IPPK: variants seen among roughly 807,000 people sequenced by gnomAD.
The protein encoded by IPPK is IPK1 homolog.
In IPPK, 22 loss-of-function variants were observed where a neutral mutation model predicts 64.6. The observed-to-expected ratio is 0.34, with a 90% CI of 0.24 to 0.49. IPPK has a LOEUF of 0.49. Among genes scored for constraint, IPPK ranks in the 20% least tolerant of loss-of-function variants. The pLI, the probability that IPPK is intolerant of heterozygous loss-of-function variation, is 0.99. For synonymous variants in IPPK, 262 were observed against 247.2 expected, an observed-to-expected ratio of 1.06 and a Z score of -0.56; for missense variants, 532 against 630.7, an observed-to-expected ratio of 0.84 and a Z score of 1.68.
intron 11 of IPPK, among the ~76,000 whole-genome samples, chr9:92,632,960 T>C (rs1017680750): frequency 3.3e-5 from 5 of 151,756 alleles, no homozygotes; most frequent in Non-Finnish European, 5.9e-5. Context: ...CTTATTGTCC[T>C]GTAAAGGCTT....
chr9:92,664,363 C>T (rs1457830974), intron 1 of IPPK, among the ~76,000 whole-genome samples: 5 of 152,252 alleles, frequency 3.3e-5, no homozygotes, highest in African/African-American at 1.2e-4. Context: ...GAGCCCAGTA[C>T]TCTGCAGGCA....
chr9:92,658,773 A>T, intron 1 of IPPK, 92 bp from the exon 2 acceptor site: 5 of 1,139,176 alleles, frequency 4.4e-6, no homozygotes, highest in Non-Finnish European at 5.3e-6. Context: ...TCAGTGGACA[A>T]AGTCCACAGT....
At chr9:92,653,101 C>G (rs931451661) in intron 3 of IPPK, among the ~76,000 whole-genome samples, 36 of 152,248 alleles carry the variant, frequency 2.4e-4, no homozygotes, top group Admixed American at 9.8e-4. Context: ...TGAAGAATCA[C>G]TTGTCTCAGG....
chr9:92,657,454 C>CA (rs1852396313), intron 2 of IPPK, among the ~76,000 whole-genome samples: 1 of 152,180 alleles, frequency 6.6e-6, no homozygotes, highest in Non-Finnish European at 1.5e-5. Context: ...GAAATGTAGC[C>CA]AACTGCTGCC....
At chr9:92,642,503 C>A (rs2131442951) in intron 7 of IPPK, among the ~76,000 whole-genome samples, 1 of 152,352 alleles carries the variant, frequency 6.6e-6, no homozygotes, top group African/African-American at 2.4e-5. Context: ...GAAGACAAAT[C>A]TAGTCACAAT....
chr9:92,642,663 A>T, intron 7 of IPPK, 89 bp downstream of exon 7: 1 of 1,128,946 alleles, frequency 8.9e-7, no homozygotes, highest in Non-Finnish European at 1.3e-6. Flanking sequence ...TTCCTACCTC[A>T]CGAAATACCC....
rs1167100625 is a variant in IPPK, at chr9:92,614,481, T to A, written c.*1351A>T. On this transcript the variant is annotated 3_prime_UTR_variant, in exon 13 of 13. Coordinates refer to ENST00000287996, the MANE Select transcript of IPPK (RefSeq NM_022755.6). ...AAAACAGTAAAAGTGTCCAGTTAGA[T>A]AAGTATCTTTTTGCACCTCTGAGAG... 6.6e-6 allele frequency: 1 copy of A among 152,640 alleles called. No individual in the cohort carries two copies. Among genetic ancestry groups the A allele is most frequent in the Non-Finnish European group, 1.5e-5 (1 of 68,058 alleles). 9.5% of individuals were successfully genotyped at this position (152,640 alleles called of 1,614,324 possible). A position where few individuals can be genotyped will look rare whatever the true frequency, so the allele number is the denominator to read the frequency against.
Position 92,638,287 on chromosome 9 carries a change from A to G in IPPK, c.637-7T>C, listed in dbSNP as rs2131437952. On this transcript the variant is annotated splice_region_variant and splice_polypyrimidine_tract_variant and intron_variant, in intron 8 of 12. Coordinates refer to ENST00000287996, the MANE Select transcript of IPPK (RefSeq NM_022755.6). Reference sequence around the variant, plus strand: ...CGTAAATCAGCTCACCATTCTTCAGACAGGGAAAAGAAAGAGGGAAACGTC... The same window carrying G: ...CGTAAATCAGCTCACCATTCTTCAGGCAGGGAAAAGAAAGAGGGAAACGTC... The G allele has an allele frequency of 6.2e-7, 1 of 1,609,008 alleles. No homozygotes were observed. Among genetic ancestry groups the G allele is most frequent in the Non-Finnish European group, 8.5e-7 (1 of 1,175,994 alleles).
intron 6 of IPPK, among the ~76,000 whole-genome samples, chr9:92,647,632 G>C (rs1239871771): frequency 6.6e-6 from 1 of 151,924 alleles, no homozygotes; most frequent in East Asian, 1.9e-4. Flanking sequence ...CATAGAAAGA[G>C]GAAGACACCT....
chr9:92,666,263 A>T (rs1232407377), intron 1 of IPPK, among the ~76,000 whole-genome samples: 1 of 152,156 alleles, frequency 6.6e-6, no homozygotes, highest in East Asian at 1.9e-4. Context: ...CATGATCCAG[A>T]TCTGAAGACA....
intron 2 of IPPK, 32 bp from the exon 3 acceptor site, chr9:92,656,583 G>T: frequency 7.1e-7 from 1 of 1,406,500 alleles, no homozygotes; most frequent in Non-Finnish European, 1.0e-6. Context: ...CAGCCTTCGT[G>T]ATGGGACCTC....
chr9:92,616,694 C>T (rs1851447744), intron 12 of IPPK: 2 of 152,476 alleles, frequency 1.3e-5, no homozygotes, highest in Admixed American at 6.5e-5. Flanking sequence ...CCTCAGAAGT[C>T]GTGTGCTTAT....
At chr9:92,627,830 A>C (rs1345699281) in intron 11 of IPPK, among the ~76,000 whole-genome samples, 3 of 152,132 alleles carry the variant, frequency 2.0e-5, no homozygotes, top group African/African-American at 7.2e-5. Flanking sequence ...TCAACATTGT[A>C]CTGGAGGCTC....
At position 92,635,394 on chromosome 9, in the gene IPPK, T is replaced by A; in HGVS notation, c.917-86A>T. On this transcript the variant is annotated intron_variant, in intron 9 of 12. Transcript: ENST00000287996. This position sits in a 1 kb window ranked among gnomAD's most constrained non-coding sequence, Gnocchi z 4.4. Reference sequence around the variant, plus strand: ...CACAGGCCGGCGCAGACCGCAGGGCTCATCCTGGGCTCCGCCATACGGGCA... The same window carrying A: ...CACAGGCCGGCGCAGACCGCAGGGCACATCCTGGGCTCCGCCATACGGGCA... The A allele has an allele frequency of 1.4e-6, 2 of 1,424,666 alleles. No homozygotes were observed. The highest frequency in any genetic ancestry group is 1.9e-6 in the Non-Finnish European group (2 of 1,046,476). The allele number at this position is 1,424,666 out of a possible 1,614,324, so 88.3% of individuals were successfully genotyped here.
rs1469696991 is a variant in IPPK, at chr9:92,615,362, G to A, written c.*470C>T. On this transcript the variant is annotated 3_prime_UTR_variant, in exon 13 of 13. Coordinates refer to ENST00000287996, the MANE Select transcript of IPPK (RefSeq NM_022755.6). The stretch of plus-strand genomic sequence containing the variant: ...CCTGTGTTGATATGTGGCTTGCACT[G>A]AAAAAGTGACCATGTAACTCAGCTG... 1 of 175,828 alleles carries A rather than the reference G, an allele frequency of 5.7e-6. No individual in the cohort carries two copies. The highest frequency in any genetic ancestry group is 1.2e-5 in the Non-Finnish European group (1 of 82,936). 10.9% of individuals were successfully genotyped at this position (175,828 alleles called of 1,614,324 possible). A position where few individuals can be genotyped will look rare whatever the true frequency, so the allele number is the denominator to read the frequency against.
intron 11 of IPPK, chr9:92,619,859 C>A: frequency 2.3e-6 from 1 of 444,038 alleles, no homozygotes; most frequent in Non-Finnish European, 4.2e-6. Context: ...CTGTCTTCAG[C>A]AAGGTCACCA....
chr9:92,655,202 T>C (rs1490103753), intron 3 of IPPK, among the ~76,000 whole-genome samples: 1 of 152,146 alleles, frequency 6.6e-6, no homozygotes, highest in Non-Finnish European at 1.5e-5. Context: ...GAAACTACGC[T>C]TTGCCTAACT....
intron 11 of IPPK, among the ~76,000 whole-genome samples, chr9:92,628,072 A>G (rs1851767084): frequency 6.6e-6 from 1 of 152,368 alleles, no homozygotes; most frequent in African/African-American, 2.4e-5. Flanking sequence ...CTGAAAATGG[A>G]ATTCAGAAAA....
intron 11 of IPPK, among the ~76,000 whole-genome samples, chr9:92,622,052 G>C (rs1041087789): frequency 6.6e-6 from 1 of 152,030 alleles, no homozygotes; most frequent in African/African-American, 2.4e-5. Flanking sequence ...AATTAACCAC[G>C]TTAACAGAAA....
Sources: gnomAD v4.1 joint callset for allele counts (sites outside exome capture counted in the v4.1 genomes callset) on GRCh38, gnomAD v4.1.1 for gene constraint, Gnocchi (gnomAD v3.1) non-coding constraint, MANE v1.5 for transcripts, NCBI Gene and HGNC (gene_info 2026-07-23, HGNC 2026-07-21) for gene names.